Variants in SLC39A11 observed in about 807,000 individuals in gnomAD.
SLC39A11 encodes zinc transporter ZIP11.
A neutral mutation model predicts 36.1 loss-of-function variants in SLC39A11; 33 were observed. That is an observed-to-expected ratio of 0.91 (90% CI 0.69 to 1.22). The LOEUF (loss-of-function observed/expected upper bound fraction) is 1.22. SLC39A11 is among the 50% of genes most tolerant of loss of function. The pLI is 0.00. For synonymous variants in SLC39A11, 166 were observed against 170.3 expected, an observed-to-expected ratio of 0.97 and a Z score of 0.20; for missense variants, 432 against 430.3, an observed-to-expected ratio of 1.00 and a Z score of -0.03.
intron 6 of SLC39A11, among the ~76,000 whole-genome samples, chr17:72,747,465 G>A (rs754850553): frequency 3.3e-5 from 5 of 152,210 alleles, no homozygotes; most frequent in Non-Finnish European, 5.9e-5. Context: ...GACAAGCTCG[G>A]CTTTGATTCC....
At chr17:72,821,805 G>A (rs1467115680) in intron 6 of SLC39A11, 1 of 151,480 alleles carries the variant, frequency 6.6e-6, no homozygotes, top group Non-Finnish European at 1.5e-5. Flanking sequence ...CTTCTCATGA[G>A]GCAAGGATCA....
intron 4 of SLC39A11, among the ~76,000 whole-genome samples, chr17:72,951,173 G>A (rs2085834538): frequency 6.7e-6 from 1 of 150,326 alleles, no homozygotes; most frequent in South Asian, 2.1e-4. Flanking sequence ...GTGGCAGGAG[G>A]ACTGCTTAAG....
At chr17:73,054,134 G>A (rs968401107) in intron 3 of SLC39A11, among the ~76,000 whole-genome samples, 1 of 152,152 alleles carries the variant, frequency 6.6e-6, no homozygotes, top group Non-Finnish European at 1.5e-5. Flanking sequence ...GGAGGCCGAG[G>A]TGGGTGGACC....
chr17:72,748,977 G>A (rs1568026622), intron 6 of SLC39A11, among the ~76,000 whole-genome samples: 1 of 152,208 alleles, frequency 6.6e-6, no homozygotes, highest in Admixed American at 6.5e-5. Flanking sequence ...GCCGAGCTGA[G>A]CACACACAGT....
chr17:72,730,017 T>C (rs1485451512), intron 7 of SLC39A11, among the ~76,000 whole-genome samples: 1 of 152,252 alleles, frequency 6.6e-6, no homozygotes, highest in Non-Finnish European at 1.5e-5. Context: ...GTATGTATTC[T>C]GACTCTCTCT....
chr17:72,914,897 T>C (rs1047650104), intron 5 of SLC39A11, among the ~76,000 whole-genome samples: 2 of 152,172 alleles, frequency 1.3e-5, no homozygotes, highest in Non-Finnish European at 2.9e-5. Flanking sequence ...AAATTGAATA[T>C]CTGTGCCTTT....
intron 6 of SLC39A11, among the ~76,000 whole-genome samples, chr17:72,793,234 A>G (rs1387615964): frequency 1.3e-5 from 2 of 152,160 alleles, no homozygotes; most frequent in East Asian, 3.9e-4. Context: ...ACCCTGAGAC[A>G]GAGAAGCAGG....
At chr17:73,071,147 C>G (rs562532586) in intron 3 of SLC39A11, among the ~76,000 whole-genome samples, 2 of 152,118 alleles carry the variant, frequency 1.3e-5, no homozygotes, top group Admixed American at 6.6e-5. Flanking sequence ...TTCCCCAAAG[C>G]CAGAGAACTC....
intron 5 of SLC39A11, among the ~76,000 whole-genome samples, chr17:72,923,445 C>CA (rs1323208632): frequency 2.6e-5 from 4 of 152,042 alleles, no homozygotes; most frequent in South Asian, 2.1e-4. Context: ...GGATTGCATG[C>CA]AAAAAATTAG....
At chr17:72,647,929 T>C (rs1159060204) in intron 9 of SLC39A11, among the ~76,000 whole-genome samples, 2 of 152,236 alleles carry the variant, frequency 1.3e-5, no homozygotes, top group African/African-American at 4.8e-5. Context: ...CAAGGTCACC[T>C]ATGATCGTTC....
At chr17:72,975,087 T>C (rs917805711) in intron 4 of SLC39A11, among the ~76,000 whole-genome samples, 2 of 152,198 alleles carry the variant, frequency 1.3e-5, no homozygotes, top group African/African-American at 4.8e-5. Flanking sequence ...GAGTAATGCA[T>C]GACTTTATTA....
intron 7 of SLC39A11, among the ~76,000 whole-genome samples, chr17:72,695,858 G>C (rs1409501905): frequency 1.3e-5 from 2 of 152,170 alleles, no homozygotes; most frequent in Admixed American, 6.5e-5. Context: ...AGCAAGGAAG[G>C]GTCCTCCTTC....
chr17:73,062,185 C>T (rs975919355), intron 3 of SLC39A11, among the ~76,000 whole-genome samples: 1 of 151,430 alleles, frequency 6.6e-6, no homozygotes. Context: ...TGAGGCCGGG[C>T]GCAGTAGTTC....
intron 3 of SLC39A11, among the ~76,000 whole-genome samples, chr17:73,057,295 A>T (rs1156839613): frequency 6.6e-6 from 1 of 152,220 alleles, no homozygotes; most frequent in Admixed American, 6.5e-5. Context: ...TTGCAGGGGC[A>T]TCTAAATGAT....
At chr17:73,050,462 C>CTCTTTTTTTTTTTTT (rs2059457194) in intron 3 of SLC39A11, among the ~76,000 whole-genome samples, 1 of 124,322 alleles carries the variant, frequency 8.0e-6, no homozygotes, top group African/African-American at 3.1e-5. Flanking sequence ...TGTGAACTGA[C>CTCTTTTTTTTTTTTT]TTTTTTTTTT....
At chr17:72,716,061 C>G (rs563274014) in intron 7 of SLC39A11, among the ~76,000 whole-genome samples, 20 of 152,172 alleles carry the variant, frequency 1.3e-4, no homozygotes, top group Admixed American at 1.1e-3. Flanking sequence ...GAAAAAATAC[C>G]TAACTCCCGC....
intron 3 of SLC39A11, among the ~76,000 whole-genome samples, chr17:73,039,442 G>A (rs16977502): frequency 0.041 from 6,316 of 152,260 alleles, 143 homozygotes; most frequent in Middle Eastern, 0.075. Flanking sequence ...AGTAGTCCTG[G>A]ACAGAGCGAC....
At chr17:72,685,070 G>A (rs1202370629) in intron 7 of SLC39A11, among the ~76,000 whole-genome samples, 7 of 152,224 alleles carry the variant, frequency 4.6e-5, no homozygotes, top group Admixed American at 4.6e-4. Context: ...CTGAGTAGAT[G>A]TTCGTCCATT....
intron 7 of SLC39A11, among the ~76,000 whole-genome samples, chr17:72,691,346 C>A (rs971175833): frequency 6.6e-6 from 1 of 151,834 alleles, no homozygotes; most frequent in East Asian, 1.9e-4. Flanking sequence ...CAAGTGTAGA[C>A]CCGGCCTTAC....
Sources: allele counts gnomAD v4.1 joint callset (sites outside exome capture counted in the v4.1 genomes callset), GRCh38; gene constraint gnomAD v4.1.1; transcripts MANE v1.5; gene names NCBI Gene and HGNC (gene_info 2026-07-23, HGNC 2026-07-21).